Variants in CCDC171 observed in about 807,000 individuals in gnomAD.
The protein encoded by CCDC171 is coiled-coil domain containing 171.
In CCDC171, 177 loss-of-function variants were observed where a neutral mutation model predicts 168.2. The ratio of observed to expected loss-of-function variants is 1.05; its 90% CI spans 0.93 to 1.19. CCDC171 has a LOEUF of 1.19. Among genes scored for constraint, CCDC171 ranks in the 50% most tolerant of loss-of-function variants. CCDC171 has a pLI of 0.00. For synonymous variants in CCDC171, 687 were observed against 540.8 expected, an observed-to-expected ratio of 1.27 and a Z score of -3.75; for missense variants, 1,991 against 1,539.0, an observed-to-expected ratio of 1.29 and a Z score of -4.91.
intron 3 of CCDC171, among the ~76,000 whole-genome samples, chr9:16,019,463 T>C (rs772456756): frequency 2.0e-5 from 3 of 152,150 alleles, no homozygotes; most frequent in African/African-American, 2.4e-5. Flanking sequence ...TACCAGACTT[T>C]GGATGTTTAT....
the CCDC171 span, among the ~76,000 whole-genome samples, chr9:16,078,658 G>C: frequency 2.0e-5 from 3 of 152,136 alleles, no homozygotes; most frequent in Non-Finnish European, 4.4e-5. Context: ...AGATTATCAG[G>C]AAACTTATTA....
rs982040181 is a variant in CCDC171, at chr9:15,615,963, T to A, written c.676-7304T>A. Among the ~76,000 whole-genome samples the A allele has an allele frequency of 4.6e-5, 7 of 152,028 alleles. No homozygotes were observed. In the South Asian group the frequency reaches 8.3e-4, roughly 18 times the overall value. On this transcript the variant is annotated intron_variant, in intron 6 of 25. Coordinates refer to ENST00000380701, the MANE Select transcript of CCDC171 (RefSeq NM_173550.4). ...AGCTAATTTTTGTTTATTTATTTATTATTTTGAGATGGAGTCTCGCTCTGT... is the reference window on the plus strand; with the variant it reads ...AGCTAATTTTTGTTTATTTATTTATAATTTTGAGATGGAGTCTCGCTCTGT...
chr9:16,056,057 A>G (rs970363623), intron 1 of CCDC171, among the ~76,000 whole-genome samples: 1 of 152,264 alleles, frequency 6.6e-6, no homozygotes, highest in Non-Finnish European at 1.5e-5. Context: ...ATAACATTGC[A>G]TATTCAACAG....
chr9:15,663,315 A>C (rs2048464288), intron 8 of CCDC171, among the ~76,000 whole-genome samples: 1 of 152,114 alleles, frequency 6.6e-6, no homozygotes, highest in African/African-American at 2.4e-5. Flanking sequence ...CCCCGTCTTT[A>C]AACTATTTTC....
At chr9:15,931,997 AC>A (rs1371769650) in intron 25 of CCDC171, among the ~76,000 whole-genome samples, 9 of 151,992 alleles carry the variant, frequency 5.9e-5, no homozygotes, top group Non-Finnish European at 1.3e-4. Context: ...TGTTTTGCTT[AC>A]TATAGCTTTG....
At chr9:15,752,323 A>G (rs1042285575) in intron 18 of CCDC171, among the ~76,000 whole-genome samples, 1 of 152,194 alleles carries the variant, frequency 6.6e-6, no homozygotes, top group Non-Finnish European at 1.5e-5. Context: ...AAATTCAACC[A>G]TTGTAGAAGA....
At chr9:15,783,994 G>T (rs2057803153) in intron 20 of CCDC171, among the ~76,000 whole-genome samples, 1 of 152,072 alleles carries the variant, frequency 6.6e-6, no homozygotes, top group Non-Finnish European at 1.5e-5. Flanking sequence ...AAAGTGAGAT[G>T]AATTTAGATA....
intron 24 of CCDC171, among the ~76,000 whole-genome samples, chr9:15,895,455 C>T (rs1820779959): frequency 6.6e-6 from 1 of 152,056 alleles, no homozygotes; most frequent in South Asian, 2.1e-4. Context: ...GACACTTGAG[C>T]AGAGGTGGAC....
the CCDC171 span, among the ~76,000 whole-genome samples, chr9:16,081,995 T>C: frequency 2.0e-5 from 3 of 152,288 alleles, no homozygotes; most frequent in Admixed American, 2.0e-4. Context: ...CTTTACAAAC[T>C]GAACATGTCT....
intron 11 of CCDC171, among the ~76,000 whole-genome samples, chr9:15,700,402 C>T (rs879329351): frequency 1.3e-4 from 20 of 152,332 alleles, no homozygotes; most frequent in East Asian, 1.9e-4. Flanking sequence ...CGCGCAGCCC[C>T]GGTTCCCACT....
At chr9:15,808,422 C>T (rs187020757) in intron 21 of CCDC171, among the ~76,000 whole-genome samples, 131 of 152,176 alleles carry the variant, frequency 8.6e-4, no homozygotes, top group African/African-American at 2.9e-3. Flanking sequence ...GACAGAGGGG[C>T]AAGGGATGAT....
chr9:15,944,236 C>A (rs1196618659), intron 25 of CCDC171, among the ~76,000 whole-genome samples: 2 of 151,914 alleles, frequency 1.3e-5, no homozygotes, highest in African/African-American at 4.8e-5. Flanking sequence ...TTTTTGTAAA[C>A]CACTGTGGCT....
At chr9:15,918,602 A>C (rs1347539250) in intron 24 of CCDC171, among the ~76,000 whole-genome samples, 1 of 151,702 alleles carries the variant, frequency 6.6e-6, no homozygotes, top group South Asian at 2.1e-4. Context: ...AGTATTAGCT[A>C]TAAACTTGCC....
intron 6 of CCDC171, among the ~76,000 whole-genome samples, chr9:15,606,429 A>G (rs1238955896): frequency 6.6e-6 from 1 of 152,218 alleles, no homozygotes; most frequent in Non-Finnish European, 1.5e-5. Context: ...TATACAAAGC[A>G]CCAGTTTATG....
Position 15,777,801 on chromosome 9 carries a change from G to T in CCDC171, c.2873G>T (p.Gly958Val). The T allele has an allele frequency of 6.2e-7, 1 of 1,610,800 alleles. No individual in the cohort carries two copies. The highest frequency in any genetic ancestry group is 8.5e-7 in the Non-Finnish European group (1 of 1,179,146). ...GTAAACACACTGGCCCTGAAATATG[G>T]TTTGCGTGGCCATGTGCCCATTACG... is the stretch of plus-strand genomic sequence containing the variant. ...HKVNTLALKY[G>V]LRGHVPITKS... The change falls in exon 19 of 26, where the codon GGT (glycine) becomes GTT (valine). Residue 958 changes from glycine to valine, a missense_variant. Transcript: ENST00000380701.
intron 6 of CCDC171, among the ~76,000 whole-genome samples, chr9:16,033,222 G>T (rs748204948): frequency 3.3e-5 from 5 of 152,228 alleles, no homozygotes; most frequent in Non-Finnish European, 7.3e-5. Flanking sequence ...TGCTTTGTAT[G>T]CGTTATTATA....
At chr9:15,947,681 A>G (rs1173786602) in intron 25 of CCDC171, among the ~76,000 whole-genome samples, 1 of 152,036 alleles carries the variant, frequency 6.6e-6, no homozygotes, top group African/African-American at 2.4e-5. Flanking sequence ...GTATACAAAT[A>G]TCTCTTCAAG....
chr9:15,723,578 A>G, intron 12 of CCDC171, 103 bp from the exon 13 acceptor site: 1 of 745,542 alleles, frequency 1.3e-6, no homozygotes, highest in Non-Finnish European at 2.2e-6. Context: ...GTAATTGCAT[A>G]AAAAGCACTT....
At chr9:16,090,408 G>A in the CCDC171 span, among the ~76,000 whole-genome samples, 2 of 152,080 alleles carry the variant, frequency 1.3e-5, no homozygotes, top group African/African-American at 4.8e-5. Flanking sequence ...ACACACCGGG[G>A]CCTGTTAGGG....
Sources: allele counts gnomAD v4.1 joint callset (sites outside exome capture counted in the v4.1 genomes callset), GRCh38; gene constraint gnomAD v4.1.1; transcripts MANE v1.5; gene names NCBI Gene and HGNC (gene_info 2026-07-23, HGNC 2026-07-21).